The following CAPN15 variants were observed in gnomAD, a reference collection of about 807,000 sequenced individuals.
CAPN15 encodes calpain-15.
CAPN15 carries 53 observed loss-of-function variants against 97.9 expected under a neutral mutation model. The observed-to-expected ratio is 0.54, with a 90% CI of 0.43 to 0.68. The LOEUF is 0.68. Among genes scored for constraint, CAPN15 ranks in the 30% least tolerant of loss-of-function variants. CAPN15 has a pLI of 0.00. For missense variants in CAPN15, 1,592 were observed against 1,589.8 expected (o/e 1.00, Z -0.02); for synonymous variants, 922 against 722.5 (o/e 1.28, Z -4.43).
At chr16:542,130 A>G (rs2034161599) in intron 3 of CAPN15, among the ~76,000 whole-genome samples, 1 of 152,216 alleles carries the variant, frequency 6.6e-6, no homozygotes, top group South Asian at 2.1e-4. Context: ...AGATTCATGC[A>G]CCTGCAGCCC....
At position 553,381 on chromosome 16, in the gene CAPN15, C is replaced by T. The variant is rs774170041; in HGVS notation, c.3126C>T (p.Gly1042=). Residue 1042 remains glycine, a synonymous_variant, in exon 14 of 14, where the codon GGC becomes GGT. Coordinates refer to ENST00000219611, the MANE Select transcript of CAPN15 (RefSeq NM_005632.3). ...VILSQLEGNA[G]FSITHRLAHR... ...TGTCCCAGCTAGAGGGCAACGCCGG[C>T]TTCTCTATCACCCACCGCCTGGCAC... 1.3e-5 allele frequency: 21 copies of T among 1,608,670 alleles called. No individual in the cohort carries two copies. Among genetic ancestry groups the T allele is most frequent in the African/African-American group, 4.1e-5 (3 of 73,634 alleles).
At chr16:548,637 G>A (rs567775861) in intron 4 of CAPN15, among the ~76,000 whole-genome samples, 4 of 152,358 alleles carry the variant, frequency 2.6e-5, no homozygotes, top group African/African-American at 4.8e-5. Context: ...GGATGTACCC[G>A]TGCTCCGCCC....
At position 547,515 on chromosome 16, in the gene CAPN15, C is replaced by T. The variant is rs373480819; in HGVS notation, c.677C>T (p.Pro226Leu). The T allele has an allele frequency of 2.4e-5, 39 of 1,598,122 alleles. No homozygotes were observed. In the Middle Eastern group the frequency reaches 8.2e-4, roughly 34 times the overall value. ...TSQGPAAEPE[P>L]PRVPPFSPFS... ...CAGGGCCCAGCTGCCGAACCAGAGC[C>T]GCCCAGGGTCCCGCCCTTCAGCCCC... The change falls in exon 4 of 14, where the codon CCG (proline) becomes CTG (leucine). Residue 226 changes from proline to leucine, a missense_variant. Physicochemically the swap from Pro to Leu is moderately conservative, Grantham distance 98 (BLOSUM62 -3). Transcript: ENST00000219611.
chr16:545,655 T>C (rs1261648722), intron 3 of CAPN15, among the ~76,000 whole-genome samples: 1 of 152,228 alleles, frequency 6.6e-6, no homozygotes, highest in Non-Finnish European at 1.5e-5. Flanking sequence ...GTTCTCATTC[T>C]CCTCTCTGGA....
rs763213662 is a variant in CAPN15 at position 552,856 on chromosome 16, T to C, written c.2905-7T>C. Reference sequence around the variant, plus strand: ...CCCTGCCCCACAACTGCCATTCCTGTGCCCAGGGCCGTGAGGGCATGACCT... The same window carrying C: ...CCCTGCCCCACAACTGCCATTCCTGCGCCCAGGGCCGTGAGGGCATGACCT... On this transcript the variant is annotated splice_polypyrimidine_tract_variant and splice_region_variant and intron_variant, in intron 12 of 13. Coordinates refer to ENST00000219611, the MANE Select transcript of CAPN15 (RefSeq NM_005632.3). This position sits in a 1 kb window ranked among gnomAD's most constrained non-coding sequence, Gnocchi z 6.4. 12 of 1,567,240 alleles carry C rather than the reference T, an allele frequency of 7.7e-6. No individual in the cohort carries two copies. The East Asian group carries it at 2.8e-4, about 37-fold the overall frequency.
At chr16:537,134 G>T (rs1430158531) in intron 3 of CAPN15, 1 of 985,368 alleles carries the variant, frequency 1.0e-6, no homozygotes, top group African/African-American at 1.7e-5. Context: ...TTCTCTGCAG[G>T]GTCCTCTCTT....
At chr16:542,808 C>G (rs1399823677) in intron 3 of CAPN15, among the ~76,000 whole-genome samples, 2 of 152,094 alleles carry the variant, frequency 1.3e-5, no homozygotes, top group Non-Finnish European at 2.9e-5. Flanking sequence ...AATCCCAGCA[C>G]TTTGGGAGGC....
chr16:536,117 A>G lies in CAPN15; in HGVS notation c.-48A>G. The G allele has an allele frequency of 3.1e-6, 3 of 979,904 alleles. No individual in the cohort carries two copies. Among genetic ancestry groups the G allele is most frequent in the Non-Finnish European group, 3.6e-6 (3 of 827,684 alleles). The allele number at this position is 979,904 out of a possible 1,614,324, so 60.7% of individuals were successfully genotyped here. A position where few individuals can be genotyped will look rare whatever the true frequency, so the allele number is the denominator to read the frequency against. On this transcript the variant is annotated 5_prime_UTR_variant, in exon 3 of 14. Transcript: ENST00000219611. ...GTGATTCACGTGTGCCCAGGCCCTG[A>G]GGTGGGCCGGACCTGGGAGTGGCAG... is the stretch of plus-strand genomic sequence containing the variant.
chr16:551,807 C>A, intron 9 of CAPN15, 143 bp downstream of exon 9: 2 of 1,148,468 alleles, frequency 1.7e-6, no homozygotes, highest in Non-Finnish European at 2.5e-6. Context: ...GCTTCAGCTC[C>A]AAGGTGCCAA....
At chr16:536,413 G>A (rs555951237) in intron 3 of CAPN15, among the ~76,000 whole-genome samples, 6 of 137,658 alleles carry the variant, frequency 4.4e-5, no homozygotes, top group South Asian at 2.3e-4. Context: ...AGGGGAACGC[G>A]GGCTGGGAGC....
At position 552,771 on chromosome 16, in the gene CAPN15, G is replaced by A; in HGVS notation, c.2904G>A (p.Glu968=). Residue 968 remains glutamate (E), a splice_region_variant and synonymous_variant, in exon 12 of 14, where the codon GAG becomes GAA. Transcript: ENST00000219611. This position sits in a 1 kb window ranked among gnomAD's most constrained non-coding sequence, Gnocchi z 6.4. ...CCGAGAGCCGCGGAGAGCGGCACGA[G>A]GTGGGTGGGGGTCCCGGGGGAGGGT... ...LLTESRGERH[E]GREGMTCYYL... is the part of the protein sequence containing the mutation. 6.5e-7 allele frequency: 1 copy of A among 1,528,212 alleles called. No individual in the cohort carries two copies. The highest frequency in any genetic ancestry group is 8.8e-7 in the Non-Finnish European group (1 of 1,134,900). The allele number at this position is 1,528,212 out of a possible 1,614,324, so 94.7% of individuals were successfully genotyped here. A position where few individuals can be genotyped will look rare whatever the true frequency, so the allele number is the denominator to read the frequency against.
At chr16:534,175 G>T (rs185797041) in intron 2 of CAPN15, among the ~76,000 whole-genome samples, 177 bp downstream of exon 2, 2 of 152,280 alleles carry the variant, frequency 1.3e-5, no homozygotes, top group Non-Finnish European at 1.5e-5. Context: ...TCTCCCAGCC[G>T]TTTGGGCCGT....
At chr16:529,997 A>G (rs1176948123) in intron 1 of CAPN15, among the ~76,000 whole-genome samples, 1 of 152,192 alleles carries the variant, frequency 6.6e-6, no homozygotes, top group Non-Finnish European at 1.5e-5. Flanking sequence ...CTGGCACAGC[A>G]GGAGTGCCCA....
intron 1 of CAPN15, among the ~76,000 whole-genome samples, chr16:530,085 T>C (rs545870441): frequency 6.6e-6 from 1 of 152,340 alleles, no homozygotes; most frequent in African/African-American, 2.4e-5. Context: ...GTGGGTTTTC[T>C]CACCACCAGG....
At chr16:543,008 A>ATG (rs2034246746) in intron 3 of CAPN15, among the ~76,000 whole-genome samples, 1 of 151,978 alleles carries the variant, frequency 6.6e-6, no homozygotes, top group East Asian at 1.9e-4. Context: ...CCAAGATTGC[A>ATG]CCACTGCACT....
rs2032954808 is a variant in CAPN15 at position 527,814 on chromosome 16, G to C, written c.-405G>C. ...GCTACGAAGGCAGCGTAAGGCGGGC[G>C]CCGGACGCGGGCAGGGGCCGGGGCC... On this transcript the variant is annotated 5_prime_UTR_variant, in exon 1 of 14. Transcript: ENST00000219611. The C allele has an allele frequency of 6.8e-6, 1 of 148,082 alleles. No individual in the cohort carries two copies. The highest frequency in any genetic ancestry group is 1.5e-5 in the Non-Finnish European group (1 of 66,518). 9.2% of individuals were successfully genotyped at this position (148,082 alleles called of 1,614,324 possible).
intron 7 of CAPN15, among the ~76,000 whole-genome samples, chr16:550,737 G>A (rs201281376): frequency 7.9e-4 from 111 of 140,956 alleles, no homozygotes; most frequent in African/African-American, 2.9e-3. Flanking sequence ...GGTCCCCGTC[G>A]GTGAGGGTCC....
chr16:548,205 G>A lies in CAPN15; in HGVS notation c.1367G>A (p.Ser456Asn). 1 of 1,547,800 alleles carries A rather than the reference G, an allele frequency of 6.5e-7. No homozygotes were observed. The highest frequency in any genetic ancestry group is 8.7e-7 in the Non-Finnish European group (1 of 1,147,462). The change falls in exon 4 of 14, where the codon AGC (serine) becomes AAC (asparagine). Residue 456 changes from serine (S) to asparagine (N), a missense_variant. Ser to Asn is a conservative substitution (Grantham distance 46, BLOSUM62 1). Coordinates refer to ENST00000219611, the MANE Select transcript of CAPN15 (RefSeq NM_005632.3). ...GCCGCGCCCCTGAGGCGCAGGGAGA[G>A]CATGCACGTGGAGCAGCGGCGGCAG... is the stretch of plus-strand genomic sequence containing the variant. Reference protein sequence around the residue: ...RGAAPLRRRESMHVEQRRQTD... With the variant: ...RGAAPLRRRENMHVEQRRQTD...
At chr16:545,141 C>T (rs1465370337) in intron 3 of CAPN15, among the ~76,000 whole-genome samples, 2 of 152,038 alleles carry the variant, frequency 1.3e-5, no homozygotes, top group Non-Finnish European at 2.9e-5. Flanking sequence ...CGTGCGCGAG[C>T]CACTGCACCA....
Sources: gnomAD v4.1 joint callset for allele counts (sites outside exome capture counted in the v4.1 genomes callset) on GRCh38, gnomAD v4.1.1 for gene constraint, Gnocchi (gnomAD v3.1) non-coding constraint, MANE v1.5 for transcripts, NCBI Gene and HGNC (gene_info 2026-07-23, HGNC 2026-07-21) for gene names.